Variants in OSBP2 observed in about 807,000 individuals in gnomAD.
OSBP2 encodes oxysterol binding protein 2, also known as oxysterol-binding protein 2.
OSBP2 carries 66 observed loss-of-function variants against 96.0 expected under a neutral mutation model. The ratio of observed to expected loss-of-function variants is 0.69; its 90% CI spans 0.56 to 0.84. OSBP2 has a LOEUF of 0.84. Ranked by LOEUF, OSBP2 falls within the 40% of genes least tolerant of loss-of-function variation. The pLI is 0.00. For synonymous variants in OSBP2, 525 were observed against 520.9 expected, an observed-to-expected ratio of 1.01 and a Z score of -0.11; for missense variants, 1,038 against 1,222.7, an observed-to-expected ratio of 0.85 and a Z score of 2.25.
intron 1 of OSBP2, among the ~76,000 whole-genome samples, chr22:30,718,358 C>A (rs5997740): frequency 0.059 from 9,007 of 152,232 alleles, 613 homozygotes; most frequent in African/African-American, 0.16. Flanking sequence ...CATCCTTTAG[C>A]CTCTTTATCT....
At chr22:30,794,993 CT>C (rs1320003841) in intron 2 of OSBP2, among the ~76,000 whole-genome samples, 1 of 151,416 alleles carries the variant, frequency 6.6e-6, no homozygotes, top group African/African-American at 2.4e-5. Context: ...TCACTGCAAC[CT>C]CCACCTCCCA....
intron 1 of OSBP2, among the ~76,000 whole-genome samples, chr22:30,731,925 G>A (rs1437750410): frequency 6.6e-6 from 1 of 152,178 alleles, no homozygotes; most frequent in Admixed American, 6.6e-5. Flanking sequence ...CCAGCACTCT[G>A]GCTGGTCTGT....
intron 2 of OSBP2, among the ~76,000 whole-genome samples, chr22:30,867,889 C>T (rs2039377671): frequency 6.6e-6 from 1 of 152,256 alleles, no homozygotes; most frequent in Non-Finnish European, 1.5e-5. Flanking sequence ...CCTCAAGGCC[C>T]TCCCCGTGTT....
At chr22:30,898,557 C>T (rs1009672811) in intron 12 of OSBP2, among the ~76,000 whole-genome samples, 1 of 152,066 alleles carries the variant, frequency 6.6e-6, no homozygotes, top group Non-Finnish European at 1.5e-5. Context: ...AAGCAAGTAC[C>T]TTCTTCACAA....
chr22:30,708,555 C>T (rs1447302524), intron 1 of OSBP2, among the ~76,000 whole-genome samples: 3 of 116,828 alleles, frequency 2.6e-5, no homozygotes, highest in Non-Finnish European at 4.8e-5. Context: ...ATGGCATGAT[C>T]TTGGCTCACT....
chr22:30,718,255 T>C (rs549718596), intron 1 of OSBP2, among the ~76,000 whole-genome samples: 1 of 152,212 alleles, frequency 6.6e-6, no homozygotes, highest in South Asian at 2.1e-4. Context: ...GTGGCAAAAG[T>C]TGTGCACTTA....
intron 2 of OSBP2, among the ~76,000 whole-genome samples, chr22:30,754,353 C>G (rs1459218674): frequency 1.3e-5 from 2 of 152,192 alleles, no homozygotes; most frequent in East Asian, 3.9e-4. Flanking sequence ...AAAGTGCATG[C>G]ATATGTCCCT....
At chr22:30,768,323 G>A (rs136333) in intron 2 of OSBP2, among the ~76,000 whole-genome samples, 14,493 of 152,172 alleles carry the variant, frequency 0.095, 877 homozygotes, top group Non-Finnish European at 0.14. Context: ...ATACGCCTCT[G>A]GGGGTGGGGG....
chr22:30,745,691 T>G (rs1441222497), intron 2 of OSBP2, among the ~76,000 whole-genome samples: 1 of 125,662 alleles, frequency 8.0e-6, no homozygotes. Flanking sequence ...AAAAAAAAAA[T>G]TAGAGTTAGA....
intron 1 of OSBP2, among the ~76,000 whole-genome samples, chr22:30,696,890 C>T (rs1244467045): frequency 6.6e-6 from 1 of 152,046 alleles, no homozygotes; most frequent in East Asian, 1.9e-4. Flanking sequence ...AACTCCTGAC[C>T]TCAGGTGATT....
chr22:30,722,135 T>G (rs1173317255), intron 1 of OSBP2, among the ~76,000 whole-genome samples: 1 of 152,218 alleles, frequency 6.6e-6, no homozygotes, highest in East Asian at 1.9e-4. Context: ...CTTCTTGTCT[T>G]GAGACACTTA....
chr22:30,694,778 G>A, upstream of OSBP2: 4 of 601,014 alleles, frequency 6.7e-6, no homozygotes, highest in Non-Finnish European at 8.3e-6. Context: ...GGCACGGAGC[G>A]CACGGGACCG....
At chr22:30,854,416 C>T (rs1344677630) in intron 2 of OSBP2, among the ~76,000 whole-genome samples, 1 of 149,690 alleles carries the variant, frequency 6.7e-6, no homozygotes, top group Non-Finnish European at 1.5e-5. Flanking sequence ...TCAAGTGATT[C>T]TCCTGCCTCA....
rs2039448125 is a variant in OSBP2, at chr22:30,871,080, TC to T, written c.1107+402del. 6.6e-6 allele frequency among the ~76,000 whole-genome samples: 1 copy of T among 151,926 alleles called. No homozygotes were observed. Among genetic ancestry groups the T allele is most frequent in the Non-Finnish European group, 1.5e-5 (1 of 67,962 alleles). On this transcript the variant is annotated intron_variant, in intron 3 of 13. Coordinates refer to ENST00000332585, the MANE Select transcript of OSBP2 (RefSeq NM_030758.4). This position sits in a 1 kb window ranked among gnomAD's most constrained non-coding sequence, Gnocchi z 4.7. ...TGCTACTCCTCCTCCCTGGGTTCAC[TC>T]CCCAGATGCAGTGGGAGCAGACGCT...
Position 30,695,100 on chromosome 22 carries a change from C to T in OSBP2, c.191C>T (p.Pro64Leu), listed in dbSNP as rs1056888792. ...CCCGTGCCCGAACCGGAGCGGGGACCGCTGTCAGAACAGGTGTCGGAGGCA... is the reference window on the plus strand; with the variant it reads ...CCCGTGCCCGAACCGGAGCGGGGACTGCTGTCAGAACAGGTGTCGGAGGCA... ...PQPVPEPERGPLSEQVSEAVS... is the reference protein window; with the variant it reads ...PQPVPEPERGLLSEQVSEAVS... Residue 64 changes from proline (P) to leucine (L), a missense_variant, in exon 1 of 14, where the codon CCG becomes CTG. Transcript: ENST00000332585. 3.8e-6 allele frequency: 6 copies of T among 1,581,620 alleles called. No individual in the cohort carries two copies. The highest frequency in any genetic ancestry group is 5.2e-6 in the Non-Finnish European group (6 of 1,163,192).
At chr22:30,791,481 C>T (rs576964462) in intron 2 of OSBP2, among the ~76,000 whole-genome samples, 1 of 151,900 alleles carries the variant, frequency 6.6e-6, no homozygotes, top group South Asian at 2.1e-4. Flanking sequence ...CGTGTGCCCC[C>T]AAACCTGGCT....
At chr22:30,892,642 A>G (rs2039973776) in intron 8 of OSBP2, among the ~76,000 whole-genome samples, 1 of 152,068 alleles carries the variant, frequency 6.6e-6, no homozygotes, top group Admixed American at 6.5e-5. Flanking sequence ...ATCGATGTGG[A>G]TGCCTGCTCT....
Position 30,694,887 on chromosome 22 carries a change from C to T in OSBP2, c.-23C>T, listed in dbSNP as rs1180253251. 10 of 1,203,352 alleles carry T rather than the reference C, an allele frequency of 8.3e-6. No individual in the cohort carries two copies. The African/African-American group carries it at 9.7e-5, about 12-fold the overall frequency. The allele number at this position is 1,203,352 out of a possible 1,614,324, so 74.5% of individuals were successfully genotyped here. On this transcript the variant is annotated 5_prime_UTR_variant, in exon 1 of 14. Coordinates refer to ENST00000332585, the MANE Select transcript of OSBP2 (RefSeq NM_030758.4). ...CCCCCCGCCCCCACTGGCCGCTCGG[C>T]CGCGCGCGGGTCGGCCGGCTCTATG...
intron 1 of OSBP2, among the ~76,000 whole-genome samples, chr22:30,705,620 A>G (rs1045323679): frequency 6.6e-6 from 1 of 151,982 alleles, no homozygotes; most frequent in Non-Finnish European, 1.5e-5. Context: ...CCTTTGGTGG[A>G]GTGTCTGCTG....
Sources: gnomAD v4.1 joint callset for allele counts (sites outside exome capture counted in the v4.1 genomes callset) on GRCh38, gnomAD v4.1.1 for gene constraint, Gnocchi (gnomAD v3.1) non-coding constraint, MANE v1.5 for transcripts, NCBI Gene and HGNC (gene_info 2026-07-23, HGNC 2026-07-21) for gene names.